NAALADL2: variants seen among roughly 807,000 people sequenced by gnomAD.
NAALADL2 encodes the protein N-acetylated alpha-linked acidic dipeptidase like 2.
A neutral mutation model predicts 87.2 loss-of-function variants in NAALADL2; 76 were observed. That is an observed-to-expected ratio of 0.87 (90% confidence interval 0.72 to 1.05). The LOEUF (loss-of-function observed/expected upper bound fraction) is 1.05, where lower values mean the gene tolerates loss of function less well. Among genes scored for constraint, NAALADL2 ranks in the 50% least tolerant of loss-of-function variants. NAALADL2 has a pLI of 0.00. For missense variants in NAALADL2, 1,089 were observed against 945.8 expected (o/e 1.15, Z -1.99); for synonymous variants, 354 against 331.0 (o/e 1.07, Z -0.75).
intron 1 of NAALADL2, among the ~76,000 whole-genome samples, chr3:174,484,226 C>T (rs1273398264): frequency 1.1e-5 from 1 of 93,508 alleles, no homozygotes; most frequent in Non-Finnish European, 2.1e-5. Flanking sequence ...TATTTGCTGA[C>T]GGATTTAATG....
intron 2 of NAALADL2, among the ~76,000 whole-genome samples, chr3:175,205,899 A>G (rs1740761090): frequency 6.6e-6 from 1 of 152,000 alleles, no homozygotes; most frequent in Admixed American, 6.6e-5. Context: ...ATCACGCGCT[A>G]CCACCTTACC....
chr3:175,562,236 G>C (rs574609631), intron 9 of NAALADL2, among the ~76,000 whole-genome samples: 1 of 152,264 alleles, frequency 6.6e-6, no homozygotes, highest in Middle Eastern at 3.4e-3. Flanking sequence ...CTACCTGAGT[G>C]ACAATAGATG....
intron 11 of NAALADL2, among the ~76,000 whole-genome samples, chr3:175,641,163 A>G (rs1254925946): frequency 6.6e-6 from 1 of 152,152 alleles, no homozygotes; most frequent in Non-Finnish European, 1.5e-5. Flanking sequence ...TTGAATATGC[A>G]TGTGGCTCAC....
intron 1 of NAALADL2, among the ~76,000 whole-genome samples, chr3:174,453,356 A>C (rs927033942): frequency 3.9e-5 from 5 of 128,736 alleles, no homozygotes; most frequent in African/African-American, 1.5e-4. Flanking sequence ...CTTGGAAATC[A>C]CATTTTGGGA....
chr3:174,882,566 T>C (rs150597565), intron 1 of NAALADL2, among the ~76,000 whole-genome samples: 1,599 of 140,486 alleles, frequency 0.011, 35 homozygotes, highest in African/African-American at 0.047. Flanking sequence ...TGTGTATATA[T>C]ACATATGTGC....
chr3:175,200,982 G>T (rs553455255), intron 2 of NAALADL2, among the ~76,000 whole-genome samples: 13 of 152,186 alleles, frequency 8.5e-5, no homozygotes, highest in African/African-American at 3.1e-4. Flanking sequence ...TGTTAAAACA[G>T]CACAGATAGC....
chr3:175,218,562 AC>A (rs1742886417), intron 2 of NAALADL2, among the ~76,000 whole-genome samples: 1 of 152,170 alleles, frequency 6.6e-6, no homozygotes, highest in Non-Finnish European at 1.5e-5. Context: ...GAGGTCTCCC[AC>A]TTGTGCACCC....
intron 1 of NAALADL2, among the ~76,000 whole-genome samples, chr3:175,078,274 A>G (rs565255816): frequency 1.3e-5 from 2 of 152,104 alleles, no homozygotes; most frequent in African/African-American, 4.8e-5. Context: ...ATCTGCCCGC[A>G]TTGGCCTCCC....
At chr3:174,896,487 A>C (rs1731548208) in intron 1 of NAALADL2, among the ~76,000 whole-genome samples, 1 of 152,204 alleles carries the variant, frequency 6.6e-6, no homozygotes, top group South Asian at 2.1e-4. Context: ...TATGATTAAA[A>C]TTATAAAACA....
At chr3:174,903,985 T>TCTATTTCTATA (rs1560345336) in intron 1 of NAALADL2, among the ~76,000 whole-genome samples, 1 of 128,448 alleles carries the variant, frequency 7.8e-6, no homozygotes, top group African/African-American at 3.5e-5. Flanking sequence ...CTATATCTAT[T>TCTATTTCTATA]TCTATATCTA....
intron 11 of NAALADL2, among the ~76,000 whole-genome samples, chr3:175,681,552 C>T (rs1735597858): frequency 6.6e-6 from 1 of 152,146 alleles, no homozygotes. Context: ...AAATCATACG[C>T]ATGTATTAAT....
At chr3:175,466,609 A>G (rs1724060972) in intron 7 of NAALADL2, among the ~76,000 whole-genome samples, 1 of 152,216 alleles carries the variant, frequency 6.6e-6, no homozygotes, top group East Asian at 1.9e-4. Context: ...ATGTATTAAT[A>G]GTTTATTAAT....
At position 175,737,342 on chromosome 3, in the gene NAALADL2, C is replaced by G. The variant is rs755606714; in HGVS notation, c.1933C>G (p.Pro645Ala). The change falls in exon 12 of 14, where the codon CCT (proline) becomes GCT (alanine). Residue 645 changes from proline (P) to alanine (A), a missense_variant. By Grantham distance (27) the Pro-to-Ala change is conservative (BLOSUM62 -1). Coordinates refer to ENST00000454872, the MANE Select transcript of NAALADL2 (RefSeq NM_207015.3). Reference protein sequence around the residue: ...GEVILQIANEPVLPFNALDIA... With the variant: ...GEVILQIANEAVLPFNALDIA... ...AGTGATTTTGCAAATTGCCAACGAA[C>G]CTGTTCTGCCCTTTAATGCACTTGA... The G allele has an allele frequency of 6.2e-7, 1 of 1,612,482 alleles. No homozygotes were observed. The highest frequency in any genetic ancestry group is 1.7e-5 in the Admixed American group (1 of 59,984).
intron 3 of NAALADL2, among the ~76,000 whole-genome samples, chr3:175,255,037 A>G (rs1485983016): frequency 6.6e-6 from 1 of 152,178 alleles, no homozygotes; most frequent in Non-Finnish European, 1.5e-5. Context: ...TCACCAAGGA[A>G]TTTCCCTGTA....
intron 1 of NAALADL2, among the ~76,000 whole-genome samples, chr3:174,905,187 A>G (rs1196432059): frequency 6.6e-6 from 1 of 150,624 alleles, no homozygotes; most frequent in Non-Finnish European, 1.5e-5. Flanking sequence ...TCACATTCTA[A>G]TGATTTATTA....
chr3:175,405,542 CT>C (rs1016708842), intron 5 of NAALADL2, among the ~76,000 whole-genome samples: 2 of 151,958 alleles, frequency 1.3e-5, no homozygotes, highest in Admixed American at 1.3e-4. Flanking sequence ...TGCAGACTTT[CT>C]TTTGATAATT....
intron 4 of NAALADL2, among the ~76,000 whole-genome samples, chr3:175,258,582 A>G (rs761360022): frequency 5.9e-5 from 9 of 152,170 alleles, no homozygotes; most frequent in South Asian, 2.1e-4. Context: ...AAAATAGGTT[A>G]GACTATTAAA....
rs1560020933 is a variant in NAALADL2, at chr3:174,508,113, G to GTTTTTTTTTTTTTTTTTTTTTTT, written c.-183-42456_-183-42455insTTTTTTTTTTTTTTTTTTTTTTT. ...AAATTTTAGCTATTGGATATCTAGT[G>GTTTTTTTTTTTTTTTTTTTTTTT]GTTTTTTTTTTTTTTTTTGAGACGA... On this transcript the variant is annotated intron_variant, in intron 1 of 3. Transcript: ENST00000434257. 2.2e-5 allele frequency among the ~76,000 whole-genome samples: 2 copies of GTTTTTTTTTTTTTTTTTTTTTTT among 92,940 alleles called. 1 individual carries two copies. The highest frequency in any genetic ancestry group is 7.9e-5 in the African/African-American group (2 of 25,450). 61.0% of individuals were successfully genotyped at this position (92,940 alleles called of 152,430 possible).
chr3:174,969,787 T>C (rs1743367742), intron 1 of NAALADL2, among the ~76,000 whole-genome samples: 1 of 152,062 alleles, frequency 6.6e-6, no homozygotes, highest in African/African-American at 2.4e-5. Flanking sequence ...ACTCTAGGAG[T>C]CTAGCATTGA....
Sources: gnomAD v4.1 joint callset for allele counts (sites outside exome capture counted in the v4.1 genomes callset) on GRCh38, gnomAD v4.1.1 for gene constraint, MANE v1.5 for transcripts, NCBI Gene and HGNC (gene_info 2026-07-23, HGNC 2026-07-21) for gene names.